Variants in PLEKHO2 observed in about 807,000 individuals in gnomAD.
PLEKHO2 encodes pleckstrin homology domain-containing family O member 2.
In PLEKHO2, 20 loss-of-function variants were observed where a neutral mutation model predicts 32.7. The ratio of observed to expected loss-of-function variants is 0.61; its 90% CI spans 0.43 to 0.89. The LOEUF (loss-of-function observed/expected upper bound fraction) is 0.89, where lower values mean the gene tolerates loss of function less well. PLEKHO2 is among the 40% of genes least tolerant of loss of function. The probability of loss-of-function intolerance (pLI) is 0.00; values close to 1 mark genes in which losing one functional copy is unlikely to be tolerated. For synonymous variants in PLEKHO2, 247 were observed against 246.3 expected, an observed-to-expected ratio of 1.00 and a Z score of -0.03; for missense variants, 568 against 621.2, an observed-to-expected ratio of 0.91 and a Z score of 0.91.
chr15:64,859,953 C>T lies in PLEKHO2; in HGVS notation c.339C>T (p.Ala113=), dbSNP rs377564449. The T allele has an allele frequency of 1.9e-6, 3 of 1,614,194 alleles. No individual in the cohort carries two copies. The highest frequency in any genetic ancestry group is 1.3e-5 in the African/African-American group (1 of 75,042). ...TGEEKESWIK[A]LNEGINRGKN... ...AGGAGAAGGAATCCTGGATCAAAGCCCTCAATGAAGGGATTAACCGAGGCA... is the reference window on the plus strand; with the variant it reads ...AGGAGAAGGAATCCTGGATCAAAGCTCTCAATGAAGGGATTAACCGAGGCA... Residue 113 remains alanine (A), a synonymous_variant, in exon 4 of 6, where the codon GCC becomes GCT. Coordinates refer to ENST00000323544, the MANE Select transcript of PLEKHO2 (RefSeq NM_025201.5).
Position 64,857,157 on chromosome 15 carries a change from C to T in PLEKHO2, c.279+2120C>T, listed in dbSNP as rs707604. 8.9e-3 allele frequency among the ~76,000 whole-genome samples: 1,348 copies of T among 152,252 alleles called. 19 individuals are homozygous for T. Among genetic ancestry groups the T allele is most frequent in the African/African-American group, 0.031 (1,286 of 41,546 alleles). ...TCTCTTCCCCTCCCACTTTTTTCCT[C>T]TCTGCCATTTTGTCCTTAACCTTTT... is the stretch of plus-strand genomic sequence containing the variant. On this transcript the variant is annotated intron_variant, in intron 3 of 5. Transcript: ENST00000323544.
intron 3 of PLEKHO2, among the ~76,000 whole-genome samples, chr15:64,859,378 C>T (rs936559399): frequency 1.3e-5 from 2 of 152,376 alleles, no homozygotes; most frequent in African/African-American, 4.8e-5. Flanking sequence ...AGAGGCCCTA[C>T]TGCCTTGTCC....
chr15:64,864,855 G>T, intron 5 of PLEKHO2, 44 bp from the exon 6 acceptor site: 1 of 1,535,526 alleles, frequency 6.5e-7, no homozygotes, highest in Non-Finnish European at 8.8e-7. Flanking sequence ...TGACCCAATG[G>T]CTAGTCAGCC....
rs779062267 is a variant in PLEKHO2, at chr15:64,861,496, G to GCGC, written c.406_408dup (p.Ala136dup). On this transcript the variant is annotated inframe_insertion, in exon 5 of 6. Coordinates refer to ENST00000323544, the MANE Select transcript of PLEKHO2 (RefSeq NM_025201.5). ...CTCCAGGTAAAGGTGGACAAGAGCT[G>GCGC]CGCCCTGGAGCATGTGACACGGGAC... 1 of 1,605,056 alleles carries GCGC rather than the reference G, an allele frequency of 6.2e-7. No individual in the cohort carries two copies. Among genetic ancestry groups the GCGC allele is most frequent in the African/African-American group, 1.3e-5 (1 of 74,946 alleles).
rs1316031418 is a variant in PLEKHO2, at chr15:64,867,487, A to T, written c.*1599A>T. ...CATGCCACAGTCTGGCTTTCCCTCC[A>T]TCTGCCCCAGGACAAGAGCAAGAAG... On this transcript the variant is annotated 3_prime_UTR_variant, in exon 6 of 6. Coordinates refer to ENST00000323544, the MANE Select transcript of PLEKHO2 (RefSeq NM_025201.5). 3 of 152,216 alleles carry T rather than the reference A, an allele frequency of 2.0e-5. No individual in the cohort carries two copies. The highest frequency in any genetic ancestry group is 4.4e-5 in the Non-Finnish European group (3 of 68,086). 9.4% of individuals were successfully genotyped at this position (152,216 alleles called of 1,614,324 possible). A position where few individuals can be genotyped will look rare whatever the true frequency, so the allele number is the denominator to read the frequency against.
intron 2 of PLEKHO2, among the ~76,000 whole-genome samples, chr15:64,850,430 A>G (rs536509360): frequency 6.6e-6 from 1 of 152,326 alleles, no homozygotes; most frequent in East Asian, 1.9e-4. Flanking sequence ...AAAATCTCTA[A>G]AATATGTTAA....
rs776055671 is a variant in PLEKHO2, at chr15:64,859,975, G to T, written c.361G>T (p.Gly121Cys). 1 of 1,613,990 alleles carries T rather than the reference G, an allele frequency of 6.2e-7. No homozygotes were observed. Among genetic ancestry groups the T allele is most frequent in the Non-Finnish European group, 8.5e-7 (1 of 1,180,002 alleles). ...IKALNEGINRGKNKAFDEVKV... is the reference protein window; with the variant it reads ...IKALNEGINRCKNKAFDEVKV... Reference sequence around the variant, plus strand: ...AGCCCTCAATGAAGGGATTAACCGAGGCAAAAACAAGGCTTTCGATGAGGT... The same window carrying T: ...AGCCCTCAATGAAGGGATTAACCGATGCAAAAACAAGGCTTTCGATGAGGT... Residue 121 changes from glycine (G) to cysteine (C), a missense_variant, in exon 4 of 6, where the codon GGC becomes TGC. By Grantham distance (159) the Gly-to-Cys change is radical. Coordinates refer to ENST00000323544, the MANE Select transcript of PLEKHO2 (RefSeq NM_025201.5).
chr15:64,846,006 G>A (rs1385296945), intron 1 of PLEKHO2, among the ~76,000 whole-genome samples: 2 of 152,214 alleles, frequency 1.3e-5, no homozygotes, highest in Non-Finnish European at 2.9e-5. Context: ...GCCTGGCAGG[G>A]GCTGGTGGTG....
chr15:64,866,497 A>G lies in PLEKHO2; in HGVS notation c.*609A>G. On this transcript the variant is annotated 3_prime_UTR_variant, in exon 6 of 6. Transcript: ENST00000323544. ...TGAGAGGCCTCTTTGTGAGGAGGAC[A>G]TTAGCTGTGTGGCCTCTCTCTCTTT... is the stretch of plus-strand genomic sequence containing the variant. 1 of 415,422 alleles carries G rather than the reference A, an allele frequency of 2.4e-6. No homozygotes were observed. Among genetic ancestry groups the G allele is most frequent in the Non-Finnish European group, 4.9e-6 (1 of 205,518 alleles). The allele number at this position is 415,422 out of a possible 1,614,324, so 25.7% of individuals were successfully genotyped here. A position where few individuals can be genotyped will look rare whatever the true frequency, so the allele number is the denominator to read the frequency against.
chr15:64,857,340 T>C (rs2084612221), intron 3 of PLEKHO2, among the ~76,000 whole-genome samples: 1 of 152,092 alleles, frequency 6.6e-6, no homozygotes, highest in Non-Finnish European at 1.5e-5. Context: ...AGCTTCTTGG[T>C]ATTCTTATTT....
At chr15:64,850,384 C>T (rs1469186037) in intron 2 of PLEKHO2, among the ~76,000 whole-genome samples, 2 of 152,138 alleles carry the variant, frequency 1.3e-5, no homozygotes, top group African/African-American at 2.4e-5. Context: ...TACCAAGAGA[C>T]GCCAGCAAGT....
intron 1 of PLEKHO2, among the ~76,000 whole-genome samples, chr15:64,847,944 G>T (rs1028589719): frequency 4.6e-5 from 7 of 152,166 alleles, no homozygotes; most frequent in Non-Finnish European, 1.0e-4. Context: ...GTTCTGGGTG[G>T]CCTTCCTGGG....
Position 64,866,565 on chromosome 15 carries a change from C to A in PLEKHO2, c.*677C>A, listed in dbSNP as rs1394648613. 2 of 357,026 alleles carry A rather than the reference C, an allele frequency of 5.6e-6. No homozygotes were observed. The highest frequency in any genetic ancestry group is 3.6e-5 in the Admixed American group (1 of 27,896). The allele number at this position is 357,026 out of a possible 1,614,324, so 22.1% of individuals were successfully genotyped here. On this transcript the variant is annotated 3_prime_UTR_variant, in exon 6 of 6. Coordinates refer to ENST00000323544, the MANE Select transcript of PLEKHO2 (RefSeq NM_025201.5). ...TGCAAAACAAGGACATTTTCTGCAG[C>A]CCCTTCCTCTCAGTGAGCTATGATT... is the stretch of plus-strand genomic sequence containing the variant.
At chr15:64,842,127 C>G (rs2140336009) in intron 1 of PLEKHO2, 99 bp downstream of exon 1, 1 of 1,086,800 alleles carries the variant, frequency 9.2e-7, no homozygotes. Context: ...CCGCCCCACT[C>G]CCGCCAGTCT....
chr15:64,865,165 C>G lies in PLEKHO2; in HGVS notation c.750C>G (p.Thr250=). The change falls in exon 6 of 6, where the codon ACC becomes ACG. Residue 250 remains threonine (T), a synonymous_variant. Transcript: ENST00000323544. ...CTGAGAGCCAAGAGGACTCAGAGAC[C>G]CCAGCAGAGGAGGACAGTGGCTCTG... ...VSPESQEDSE[T]PAEEDSGSEQ... 6.2e-7 allele frequency: 1 copy of G among 1,614,132 alleles called. No homozygotes were observed. The highest frequency in any genetic ancestry group is 1.1e-5 in the South Asian group (1 of 91,086).
In PLEKHO2 at chr15:64,842,380, C is replaced by CTGTG. The variant is rs1282999932; in HGVS notation, c.12+353_12+354insGTGT. Among the ~76,000 whole-genome samples the CTGTG allele has an allele frequency of 3.1e-3, 103 of 33,078 alleles. 2 individuals are homozygous for CTGTG. The highest frequency in any genetic ancestry group is 4.8e-3 in the African/African-American group (77 of 15,958). 21.7% of individuals were successfully genotyped at this position (33,078 alleles called of 152,430 possible). On this transcript the variant is annotated intron_variant, in intron 1 of 5. Coordinates refer to ENST00000323544, the MANE Select transcript of PLEKHO2 (RefSeq NM_025201.5). Reference sequence around the variant, plus strand: ...ATTACCGTGGTCGGATCCTGACTCTCTCTCTCTCTCTGTGTGTGTGTGTGT... The same window carrying CTGTG: ...ATTACCGTGGTCGGATCCTGACTCTCTGTGTCTCTCTCTCTGTGTGTGTGTGTGT...
chr15:64,865,532 A>G lies in PLEKHO2; in HGVS notation c.1117A>G (p.Thr373Ala), dbSNP rs775967345. The G allele has an allele frequency of 5.0e-6, 8 of 1,614,008 alleles. No individual in the cohort carries two copies. In the African/African-American group the frequency reaches 9.3e-5, roughly 19 times the overall value. Residue 373 changes from threonine to alanine, a missense_variant, in exon 6 of 6, where the codon ACA becomes GCA. By Grantham distance (58) the Thr-to-Ala change is moderately conservative. Coordinates refer to ENST00000323544, the MANE Select transcript of PLEKHO2 (RefSeq NM_025201.5). Reference sequence around the variant, plus strand: ...TCCTCCAAAGGATGCAACAACATCCACAGCACTGCCCCCCTGGGACCTGCC... The same window carrying G: ...TCCTCCAAAGGATGCAACAACATCCGCAGCACTGCCCCCCTGGGACCTGCC... ...GTPPKDATTS[T>A]ALPPWDLPPQ...
At chr15:64,845,045 T>A (rs996887521) in intron 1 of PLEKHO2, among the ~76,000 whole-genome samples, 2 of 152,158 alleles carry the variant, frequency 1.3e-5, no homozygotes. Flanking sequence ...GGTGGATTCT[T>A]AGTAGAGTTG....
intron 3 of PLEKHO2, among the ~76,000 whole-genome samples, chr15:64,858,973 T>C (rs1000425325): frequency 2.6e-5 from 4 of 152,198 alleles, no homozygotes; most frequent in Non-Finnish European, 5.9e-5. Flanking sequence ...CCTCTCTGTC[T>C]CTATGATTTT....
Sources: gnomAD v4.1 joint callset for allele counts (sites outside exome capture counted in the v4.1 genomes callset) on GRCh38, gnomAD v4.1.1 for gene constraint, MANE v1.5 for transcripts, NCBI Gene and HGNC (gene_info 2026-07-23, HGNC 2026-07-21) for gene names.